Variants in TRERF1 observed in about 807,000 individuals in gnomAD.
TRERF1 encodes the protein transcriptional regulating factor 1.
A neutral mutation model predicts 122.9 loss-of-function variants in TRERF1; 27 were observed. The observed-to-expected ratio is 0.22, with a 90% CI of 0.16 to 0.30. The LOEUF (loss-of-function observed/expected upper bound fraction) is 0.30, where lower values mean the gene tolerates loss of function less well. TRERF1 is among the 10% of genes least tolerant of loss of function. TRERF1 has a pLI of 1.00. For missense variants in TRERF1, 1,248 were observed against 1,560.3 expected (o/e 0.80, Z 3.37); for synonymous variants, 636 against 641.7 (o/e 0.99, Z 0.13).
chr6:42,228,422 C>G lies in TRERF1; in HGVS notation c.3526G>C (p.Glu1176Gln). Residue 1176 changes from glutamate (E) to glutamine (Q), a missense_variant, in exon 18 of 18, where the codon GAG becomes CAG. Glu to Gln is a conservative substitution (Grantham distance 29, BLOSUM62 2). This residue lies in a region of TRERF1 where 84 missense variants were observed against 116.0 expected (regional missense o/e 0.72). Transcript: ENST00000372922. The surrounding 1 kb of genome is among the most constrained non-coding windows in gnomAD (Gnocchi z 4.2). The stretch of plus-strand genomic sequence containing the variant: ...AGATCGGTGTCCACAACTTCAGCCT[C>G]TTCCATGACACCTCCCAACTGCTGG... 1.2e-6 allele frequency: 2 copies of G among 1,614,238 alleles called. No individual in the cohort carries two copies. The highest frequency in any genetic ancestry group is 1.7e-6 in the Non-Finnish European group (2 of 1,180,042).
chr6:42,254,647 C>A (rs1776397941), intron 13 of TRERF1, among the ~76,000 whole-genome samples: 1 of 151,902 alleles, frequency 6.6e-6, no homozygotes, highest in African/African-American at 2.4e-5. Context: ...TCTTGGCACA[C>A]CCACAAGGGG....
chr6:42,365,924 T>C (rs1318191338), intron 2 of TRERF1, among the ~76,000 whole-genome samples: 1 of 152,186 alleles, frequency 6.6e-6, no homozygotes, highest in Admixed American at 6.5e-5. Flanking sequence ...TACAGGAACA[T>C]TCCAAGCTCC....
At chr6:42,387,299 T>C (rs1470808965) in intron 2 of TRERF1, among the ~76,000 whole-genome samples, 1 of 152,206 alleles carries the variant, frequency 6.6e-6, no homozygotes, top group East Asian at 1.9e-4. Context: ...AACATCAATA[T>C]TTAGCTCACA....
intron 3 of TRERF1, among the ~76,000 whole-genome samples, chr6:42,326,443 T>G (rs1764309477): frequency 6.6e-6 from 1 of 152,192 alleles, no homozygotes; most frequent in African/African-American, 2.4e-5. Flanking sequence ...GTTTGGTTAT[T>G]AACAGATCAT....
chr6:42,330,009 A>T lies in TRERF1; in HGVS notation c.-370-29260T>A, dbSNP rs541348510. Among the ~76,000 whole-genome samples, 13 of 152,208 alleles carry T rather than the reference A, an allele frequency of 8.5e-5. 1 individual carries two copies. The East Asian group carries it at 2.3e-3, about 27-fold the overall frequency. ...GTCTTGGGGGAAAAAAAAAGTATTG[A>T]TTCTATGTATGAACAAACAAAAAGG... On this transcript the variant is annotated intron_variant, in intron 3 of 17. Transcript: ENST00000372922.
At chr6:42,349,477 A>T (rs1305085590) in intron 3 of TRERF1, among the ~76,000 whole-genome samples, 3 of 152,090 alleles carry the variant, frequency 2.0e-5, no homozygotes, top group Non-Finnish European at 4.4e-5. Context: ...TGGTTAAAGT[A>T]ATGCTATAAA....
intron 2 of TRERF1, among the ~76,000 whole-genome samples, chr6:42,438,223 G>C (rs746275575): frequency 4.6e-5 from 7 of 151,808 alleles, no homozygotes; most frequent in South Asian, 2.1e-4. Flanking sequence ...TGAGCGGCTT[G>C]CAGCTGTTAC....
intron 2 of TRERF1, among the ~76,000 whole-genome samples, chr6:42,436,766 A>G: frequency 7.0e-6 from 1 of 143,102 alleles, no homozygotes; most frequent in South Asian, 2.2e-4. Context: ...CAAATTCTCT[A>G]TAATCACTAT....
intron 3 of TRERF1, among the ~76,000 whole-genome samples, chr6:42,332,355 T>C (rs1765397006): frequency 1.3e-5 from 2 of 152,194 alleles, no homozygotes; most frequent in Admixed American, 1.3e-4. Context: ...CACTCCAACA[T>C]TTCCTTAGAT....
At chr6:42,249,610 A>G (rs955648112) in intron 13 of TRERF1, among the ~76,000 whole-genome samples, 6 of 152,022 alleles carry the variant, frequency 3.9e-5, no homozygotes, top group African/African-American at 1.5e-4. Flanking sequence ...CTGATTCCGG[A>G]GTGTGCATTC....
At chr6:42,396,587 C>T (rs1271636685) in intron 2 of TRERF1, among the ~76,000 whole-genome samples, 2 of 152,154 alleles carry the variant, frequency 1.3e-5, no homozygotes, top group Non-Finnish European at 2.9e-5. Context: ...TAGTGAAGAG[C>T]ATGAACTCTG....
chr6:42,403,933 C>T (rs182674315), intron 2 of TRERF1, among the ~76,000 whole-genome samples: 2 of 151,380 alleles, frequency 1.3e-5, no homozygotes, highest in African/African-American at 2.5e-5. Context: ...TCCATGAGAC[C>T]CCCCCCAGGC....
At chr6:42,299,058 G>A (rs769983390) in intron 4 of TRERF1, among the ~76,000 whole-genome samples, 6 of 151,176 alleles carry the variant, frequency 4.0e-5, no homozygotes, top group Non-Finnish European at 8.8e-5. Context: ...CTGGGCAAGA[G>A]AGCAAGACCC....
chr6:42,314,845 GA>G (rs1366061001), intron 3 of TRERF1, among the ~76,000 whole-genome samples: 1 of 152,182 alleles, frequency 6.6e-6, no homozygotes, highest in Non-Finnish European at 1.5e-5. Flanking sequence ...AAACCAGGAG[GA>G]AAGCAGTAGG....
intron 3 of TRERF1, among the ~76,000 whole-genome samples, chr6:42,337,727 A>G (rs1210592814): frequency 1.3e-5 from 2 of 152,184 alleles, no homozygotes; most frequent in Non-Finnish European, 2.9e-5. Context: ...CAGGAGGGAT[A>G]GCATAAGCAA....
At chr6:42,337,624 G>A (rs1450735331) in intron 3 of TRERF1, among the ~76,000 whole-genome samples, 1 of 152,130 alleles carries the variant, frequency 6.6e-6, no homozygotes, top group Non-Finnish European at 1.5e-5. Context: ...TATCAACAGT[G>A]GGCATCAAGA....
intron 3 of TRERF1, among the ~76,000 whole-genome samples, chr6:42,309,265 T>G (rs545796243): frequency 1.3e-5 from 2 of 152,334 alleles, no homozygotes; most frequent in East Asian, 3.9e-4. Context: ...CTGGGTTTGG[T>G]GTTTTTAAAT....
At chr6:42,392,643 A>G (rs1295416650) in intron 2 of TRERF1, among the ~76,000 whole-genome samples, 1 of 152,148 alleles carries the variant, frequency 6.6e-6, no homozygotes, top group Non-Finnish European at 1.5e-5. Flanking sequence ...TTAGCAGAAA[A>G]TCTTTTCATG....
rs1296859500 is a variant in TRERF1, at chr6:42,246,424, T to G, written c.2745+32A>C. On this transcript the variant is annotated intron_variant, in intron 14 of 17. Transcript: ENST00000372922. ...TTGTGTACAATTTCCCAAATTTAAT[T>G]TCAAGGGGGCAATGGGAAAAATCAT... The G allele has an allele frequency of 2.0e-6, 3 of 1,478,912 alleles. No homozygotes were observed. The African/African-American group carries it at 4.2e-5, about 21-fold the overall frequency. The allele number at this position is 1,478,912 out of a possible 1,614,324, so 91.6% of individuals were successfully genotyped here.
Sources: allele counts gnomAD v4.1 joint callset (sites outside exome capture counted in the v4.1 genomes callset), GRCh38; gene constraint gnomAD v4.1.1; regional missense constraint gnomAD v4.1.1; non-coding constraint Gnocchi (gnomAD v3.1); transcripts MANE v1.5; gene names NCBI Gene and HGNC (gene_info 2026-07-23, HGNC 2026-07-21).